The following SLC4A1AP variants were observed in gnomAD, a reference collection of about 807,000 sequenced individuals.
SLC4A1AP encodes solute carrier family 4 member 1 adaptor protein.
Under a neutral mutation model 89.7 loss-of-function variants are expected in SLC4A1AP, and 64 were observed. The ratio of observed to expected loss-of-function variants is 0.71; its 90% CI spans 0.58 to 0.88. The LOEUF is 0.88. Among genes scored for constraint, SLC4A1AP ranks in the 40% least tolerant of loss-of-function variants. SLC4A1AP has a pLI of 0.00. For synonymous variants in SLC4A1AP, 366 were observed against 353.3 expected (o/e 1.04, Z -0.40); for missense variants, 931 against 965.0 (o/e 0.96, Z 0.47).
intron 9 of SLC4A1AP, among the ~76,000 whole-genome samples, chr2:27,683,302 T>A (rs1421367390): frequency 6.6e-6 from 1 of 152,236 alleles, no homozygotes; most frequent in Non-Finnish European, 1.5e-5. Flanking sequence ...TTTAAAAGGT[T>A]TTCATTACCC....
At chr2:27,672,306 C>CT (rs1349237918) in intron 5 of SLC4A1AP, among the ~76,000 whole-genome samples, 1 of 150,842 alleles carries the variant, frequency 6.6e-6, no homozygotes, top group Non-Finnish European at 1.5e-5. Flanking sequence ...TTTTTTTCTT[C>CT]TTTTTTTCAT....
At chr2:27,673,413 TCCC>T (rs1675460596) in intron 5 of SLC4A1AP, among the ~76,000 whole-genome samples, 2 of 30,510 alleles carry the variant, frequency 6.6e-5, no homozygotes, top group African/African-American at 1.5e-4. Flanking sequence ...CCTCCCTCCC[TCCC>T]TCCCTCCCTC....
chr2:27,688,187 G>C (rs1675735365), intron 11 of SLC4A1AP, among the ~76,000 whole-genome samples, 167 bp downstream of exon 11: 1 of 152,124 alleles, frequency 6.6e-6, no homozygotes, highest in African/African-American at 2.4e-5. Flanking sequence ...TTTGTATTTG[G>C]TGCCATCCCA....
chr2:27,686,512 C>T (rs1032279385), intron 10 of SLC4A1AP, among the ~76,000 whole-genome samples: 1 of 152,178 alleles, frequency 6.6e-6, no homozygotes, highest in African/African-American at 2.4e-5. Flanking sequence ...CGCCTGTAAT[C>T]CCAGCACTTT....
exon 11 of SLC4A1AP, chr2:27,687,966 A>G (rs778935975): frequency 1.9e-6 from 3 of 1,613,984 alleles, no homozygotes; most frequent in Non-Finnish European, 2.5e-6. Context: ...GGAAGAACAG[A>G]ATAAAGATTA....
At chr2:27,665,647 A>T (rs938113770) in intron 2 of SLC4A1AP, among the ~76,000 whole-genome samples, 1 of 152,246 alleles carries the variant, frequency 6.6e-6, no homozygotes, top group Non-Finnish European at 1.5e-5. Flanking sequence ...ACTCTATTCA[A>T]TCAAATAAAT....
chr2:27,682,161 G>C, intron 8 of SLC4A1AP, 87 bp from the exon 9 acceptor site: 1 of 790,536 alleles, frequency 1.3e-6, no homozygotes, highest in Non-Finnish European at 2.0e-6. Context: ...TATTTTGCCA[G>C]AGGTTTCTTT....
chr2:27,685,221 T>A lies in SLC4A1AP; in HGVS notation c.2060T>A (p.Val687Glu), dbSNP rs780063140. 28 of 1,613,944 alleles carry A rather than the reference T, an allele frequency of 1.7e-5. No individual in the cohort carries two copies. Among genetic ancestry groups the A allele is most frequent in the Non-Finnish European group, 2.4e-5 (28 of 1,180,022 alleles). ...CCAGAGATAGAGCCAGAAGCAGCAG[T>A]GCAGGAAATGAGGCCTCCCACAGAT... is the stretch of plus-strand genomic sequence containing the variant. The change falls in exon 10 of 14, where the codon GTG (valine) becomes GAG (glutamate). Residue 687 changes from valine to glutamate, a missense_variant. Physicochemically the swap from Val to Glu is moderately radical, Grantham distance 121 (BLOSUM62 -2). Transcript: ENST00000613058.
intron 2 of SLC4A1AP, among the ~76,000 whole-genome samples, chr2:27,666,313 A>G (rs1178487650): frequency 3.4e-5 from 4 of 118,442 alleles, no homozygotes; most frequent in South Asian, 3.1e-4. Context: ...GTTTCACCAT[A>G]TTGGCCAGGC....
At chr2:27,673,990 T>TTGTGTG (rs56759152) in intron 5 of SLC4A1AP, among the ~76,000 whole-genome samples, 34 of 148,662 alleles carry the variant, frequency 2.3e-4, no homozygotes, top group South Asian at 1.3e-3. Context: ...CATATACAAG[T>TTGTGTG]TGTGTGTGTG....
intron 2 of SLC4A1AP, among the ~76,000 whole-genome samples, chr2:27,666,477 A>G (rs1675325755): frequency 6.6e-6 from 1 of 151,460 alleles, no homozygotes; most frequent in African/African-American, 2.4e-5. Context: ...ACTTGAAGGA[A>G]AGGAAAAGCC....
chr2:27,677,154 T>C (rs1675537199), intron 6 of SLC4A1AP, 141 bp from the exon 7 acceptor site: 1 of 677,022 alleles, frequency 1.5e-6, no homozygotes, highest in South Asian at 1.8e-5. Context: ...AAAAAAAAAG[T>C]GTTAACTCCA....
chr2:27,686,364 C>G (rs536952512), intron 10 of SLC4A1AP, among the ~76,000 whole-genome samples: 1 of 152,276 alleles, frequency 6.6e-6, no homozygotes, highest in South Asian at 2.1e-4. Context: ...AACAGGTCAG[C>G]AGGAGGGGAG....
intron 10 of SLC4A1AP, among the ~76,000 whole-genome samples, chr2:27,685,778 C>T (rs1675695717): frequency 6.6e-6 from 1 of 152,132 alleles, no homozygotes; most frequent in Admixed American, 6.6e-5. Flanking sequence ...GACACATATC[C>T]ACCCGCCTCA....
chr2:27,667,313 T>TA lies in SLC4A1AP; in HGVS notation c.1068dup (p.Glu357ArgfsTer23), dbSNP rs759300680. 4 of 1,613,720 alleles carry TA rather than the reference T, an allele frequency of 2.5e-6. No individual in the cohort carries two copies. The highest frequency in any genetic ancestry group is 1.1e-5 in the South Asian group (1 of 91,046). Reference sequence around the variant, plus strand: ...GATGCTGAAGAGAACCCTATTGTCTTAGAGTTTCAGCAGGAAAGGGAGGCC... The same window carrying TA: ...GATGCTGAAGAGAACCCTATTGTCTTAAGAGTTTCAGCAGGAAAGGGAGGCC... On this transcript the variant is annotated frameshift_variant, in exon 3 of 14. Coordinates refer to ENST00000613058, the Ensembl canonical transcript of SLC4A1AP. LOFTEE classifies it high-confidence loss of function.
exon 1 of SLC4A1AP, chr2:27,664,275 G>C (rs762788158): frequency 1.9e-6 from 3 of 1,614,084 alleles, no homozygotes; most frequent in Non-Finnish European, 2.5e-6. Flanking sequence ...CCTGAAGGGC[G>C]GCACTATCCT....
At chr2:27,669,772 C>T (rs1675391462) in intron 5 of SLC4A1AP, among the ~76,000 whole-genome samples, 1 of 152,178 alleles carries the variant, frequency 6.6e-6, no homozygotes. Context: ...CTCACTGCAA[C>T]TTCCGTCTCC....
chr2:27,682,605 A>C (rs1429605106), intron 9 of SLC4A1AP, among the ~76,000 whole-genome samples: 3 of 150,990 alleles, frequency 2.0e-5, no homozygotes, highest in Non-Finnish European at 4.4e-5. Flanking sequence ...GCTGACTGCA[A>C]CTTCCGCCTC....
At chr2:27,669,163 A>G in intron 4 of SLC4A1AP, 85 bp from the exon 5 acceptor site, 1 of 1,420,726 alleles carries the variant, frequency 7.0e-7, no homozygotes, top group Non-Finnish European at 9.5e-7. Context: ...TCTAAAAAAA[A>G]AATGACTATT....
Sources: allele counts gnomAD v4.1 joint callset (sites outside exome capture counted in the v4.1 genomes callset), GRCh38; gene constraint gnomAD v4.1.1; transcripts MANE v1.5; gene names NCBI Gene and HGNC (gene_info 2026-07-23, HGNC 2026-07-21).